Variants in ADGRG6 observed in about 807,000 individuals in gnomAD.
ADGRG6 encodes the protein G-protein coupled receptor 126.
ADGRG6 carries 84 observed loss-of-function variants against 142.4 expected under a neutral mutation model. That is an observed-to-expected ratio of 0.59 (90% CI 0.49 to 0.71). ADGRG6 has a LOEUF of 0.71. Among genes scored for constraint, ADGRG6 ranks in the 30% least tolerant of loss-of-function variants. The pLI is 0.00. For synonymous variants in ADGRG6, 521 were observed against 520.5 expected (o/e 1.00, Z -0.01); for missense variants, 1,367 against 1,466.6 (o/e 0.93, Z 1.11).
intron 21 of ADGRG6, 122 bp downstream of exon 21, chr6:142,417,491 C>CA: frequency 1.6e-6 from 1 of 615,214 alleles, no homozygotes; most frequent in Non-Finnish European, 2.9e-6. Context: ...ACATGACTGC[C>CA]AAAATCTCTG....
At chr6:142,340,791 G>T (rs934162598) in intron 2 of ADGRG6, among the ~76,000 whole-genome samples, 2 of 152,076 alleles carry the variant, frequency 1.3e-5, no homozygotes, top group African/African-American at 4.8e-5. Flanking sequence ...TACAAGCTTA[G>T]AACATGTATT....
At chr6:142,414,124 A>T (rs979890826) in intron 18 of ADGRG6, among the ~76,000 whole-genome samples, 4 of 152,146 alleles carry the variant, frequency 2.6e-5, no homozygotes, top group African/African-American at 9.7e-5. Flanking sequence ...TAAAGGAGGT[A>T]CTTTTCTCCT....
At chr6:142,333,998 G>A (rs541145870) in intron 2 of ADGRG6, among the ~76,000 whole-genome samples, 1 of 152,264 alleles carries the variant, frequency 6.6e-6, no homozygotes, top group Admixed American at 6.5e-5. Context: ...ATGGTATGTG[G>A]TGTAAATTAC....
At chr6:142,318,356 ATATAATATTTATATATATT>A (rs1406698210) in intron 2 of ADGRG6, among the ~76,000 whole-genome samples, 20 of 94,742 alleles carry the variant, frequency 2.1e-4, no homozygotes, top group African/African-American at 9.8e-4. Context: ...TTTATATATT[ATATAATATTTATATATATT>A]TATATATTTA....
chr6:142,341,855 G>A lies in ADGRG6; in HGVS notation c.104-25714G>A, dbSNP rs865813849. Among the ~76,000 whole-genome samples the A allele has an allele frequency of 5.2e-4, 79 of 150,968 alleles. 1 individual carries two copies. Among genetic ancestry groups the A allele is most frequent in the South Asian group, 4.8e-3 (23 of 4,802 alleles). On this transcript the variant is annotated intron_variant, in intron 2 of 24. Coordinates refer to ENST00000367609, the MANE Select transcript of ADGRG6 (RefSeq NM_198569.3). ...AATTAAAAATTCCATAATTCTATGA[G>A]TATTTTACCAATGAATACCAAATTT...
At chr6:142,411,725 A>G (rs1431768353) in intron 18 of ADGRG6, among the ~76,000 whole-genome samples, 2 of 152,158 alleles carry the variant, frequency 1.3e-5, no homozygotes, top group African/African-American at 2.4e-5. Flanking sequence ...AAAGAGATGG[A>G]CGGGGAGACA....
chr6:142,411,361 A>G lies in ADGRG6; in HGVS notation c.2491A>G (p.Ser831Gly). The change falls in exon 18 of 25, where the codon AGT becomes GGT. Residue 831 changes from serine to glycine, a missense_variant. Coordinates refer to ENST00000367609, the MANE Select transcript of ADGRG6 (RefSeq NM_198569.3). ...GCVAHRDSDASETVCLCNHFT... is the reference protein window; with the variant it reads ...GCVAHRDSDAGETVCLCNHFT... ...TGTTGCACACAGAGATTCAGATGCAAGTGAGACAGTCTGCCTGTGTAACCA... is the reference window on the plus strand; with the variant it reads ...TGTTGCACACAGAGATTCAGATGCAGGTGAGACAGTCTGCCTGTGTAACCA... 6.2e-7 allele frequency: 1 copy of G among 1,609,206 alleles called. No homozygotes were observed.
intron 9 of ADGRG6, among the ~76,000 whole-genome samples, chr6:142,394,552 AT>A (rs761444749): frequency 1.7e-4 from 25 of 151,344 alleles, no homozygotes; most frequent in Non-Finnish European, 2.9e-4. Flanking sequence ...TATTTAGGTT[AT>A]TCAGGTCATG....
chr6:142,427,072 G>A (rs927780087), intron 22 of ADGRG6, among the ~76,000 whole-genome samples: 7 of 152,298 alleles, frequency 4.6e-5, no homozygotes, highest in Admixed American at 2.0e-4. Context: ...CCATTGTCTT[G>A]ATGTTTAACA....
chr6:142,393,098 C>A, intron 8 of ADGRG6, 98 bp downstream of exon 8: 1 of 672,716 alleles, frequency 1.5e-6, no homozygotes, highest in Admixed American at 2.5e-5. Flanking sequence ...TACAAATACA[C>A]ACACATAGCT....
In ADGRG6 at chr6:142,305,087, G is replaced by A. The variant is rs138003332; in HGVS notation, c.2+2756G>A. 9.5e-3 allele frequency among the ~76,000 whole-genome samples: 1,450 copies of A among 152,220 alleles called. 25 individuals carry two copies. The highest frequency in any genetic ancestry group is 0.033 in the African/African-American group (1,385 of 41,532). Reference sequence around the variant, plus strand: ...ATCAATGAAGAAAATATGTATATTTGTAATAGAAAACCATACAAATGACTT... The same window carrying A: ...ATCAATGAAGAAAATATGTATATTTATAATAGAAAACCATACAAATGACTT... On this transcript the variant is annotated intron_variant, in intron 1 of 24. Coordinates refer to ENST00000367609, the MANE Select transcript of ADGRG6 (RefSeq NM_198569.3).
chr6:142,361,807 TG>T (rs776719628), intron 2 of ADGRG6, among the ~76,000 whole-genome samples: 11 of 147,090 alleles, frequency 7.5e-5, no homozygotes, highest in Non-Finnish European at 1.5e-4. Context: ...GCCTTTAGAT[TG>T]TTTTTTTTTT....
At chr6:142,395,073 CT>C (rs571121972) in intron 9 of ADGRG6, among the ~76,000 whole-genome samples, 7 of 150,850 alleles carry the variant, frequency 4.6e-5, no homozygotes, top group South Asian at 2.1e-4. Flanking sequence ...GACCAGAGAG[CT>C]TTTTTTTTCT....
At chr6:142,429,605 A>G (rs748871141) in intron 22 of ADGRG6, among the ~76,000 whole-genome samples, 44 of 152,210 alleles carry the variant, frequency 2.9e-4, no homozygotes, top group Non-Finnish European at 5.7e-4. Context: ...ACAACTGAAA[A>G]CAGGAGCTGT....
At chr6:142,396,095 G>A (rs1013463236) in intron 9 of ADGRG6, among the ~76,000 whole-genome samples, 2 of 152,130 alleles carry the variant, frequency 1.3e-5, no homozygotes, top group African/African-American at 4.8e-5. Context: ...TGTTGGGTTT[G>A]GGTATTCAAT....
At chr6:142,439,452 T>C (rs967526885) in intron 24 of ADGRG6, among the ~76,000 whole-genome samples, 5 of 152,238 alleles carry the variant, frequency 3.3e-5, no homozygotes, top group Admixed American at 2.6e-4. Flanking sequence ...TCTGTAATTA[T>C]TCATATTGCA....
intron 1 of ADGRG6, 149 bp from the exon 2 acceptor site, chr6:142,309,395 A>T: frequency 1.9e-6 from 1 of 516,220 alleles, no homozygotes; most frequent in South Asian, 3.3e-5. Flanking sequence ...TCAAGTCGTC[A>T]TCATCTTTTA....
At chr6:142,356,847 G>A (rs554753121) in intron 2 of ADGRG6, among the ~76,000 whole-genome samples, 1 of 152,262 alleles carries the variant, frequency 6.6e-6, no homozygotes, top group African/African-American at 2.4e-5. Flanking sequence ...TACTTCAAAA[G>A]GAAGGTGATT....
At chr6:142,430,754 GT>G (rs1230177810) in intron 22 of ADGRG6, among the ~76,000 whole-genome samples, 1 of 152,158 alleles carries the variant, frequency 6.6e-6, no homozygotes, top group Non-Finnish European at 1.5e-5. Context: ...GTGTTCTCTG[GT>G]AGATGAAAGG....
Sources: gnomAD v4.1 joint callset for allele counts (sites outside exome capture counted in the v4.1 genomes callset) on GRCh38, gnomAD v4.1.1 for gene constraint, MANE v1.5 for transcripts, NCBI Gene and HGNC (gene_info 2026-07-23, HGNC 2026-07-21) for gene names.